KLHL31: variants seen among roughly 807,000 people sequenced by gnomAD.
KLHL31 encodes kelch like family member 31, also known as kelch-like protein 31.
Under a neutral mutation model 47.1 loss-of-function variants are expected in KLHL31, and 32 were observed. The observed-to-expected ratio is 0.68, with a 90% CI of 0.51 to 0.91. The LOEUF (loss-of-function observed/expected upper bound fraction) is 0.91. Ranked by LOEUF, KLHL31 falls within the 40% of genes least tolerant of loss-of-function variation. The pLI is 0.00. For synonymous variants in KLHL31, 330 were observed against 325.1 expected (o/e 1.01, Z -0.16); for missense variants, 797 against 819.3 (o/e 0.97, Z 0.33).
At chr6:53,652,850 C>T (rs188722824) in intron 2 of KLHL31, among the ~76,000 whole-genome samples, 217 of 152,306 alleles carry the variant, frequency 1.4e-3, no homozygotes, top group African/African-American at 4.3e-3. Context: ...TTCTCACAAA[C>T]CCCTTAATCC....
intron 1 of KLHL31, among the ~76,000 whole-genome samples, chr6:53,659,190 G>A (rs769282842): frequency 2.0e-5 from 3 of 152,234 alleles, no homozygotes; most frequent in Non-Finnish European, 2.9e-5. Context: ...CAGTCATGAG[G>A]TGCAGGAGGC....
chr6:53,657,106 T>C (rs1176924736), intron 1 of KLHL31, among the ~76,000 whole-genome samples: 1 of 151,874 alleles, frequency 6.6e-6, no homozygotes, highest in Admixed American at 6.6e-5. Context: ...CTGTCTACCT[T>C]TTTTGTATTT....
chr6:53,661,523 G>A (rs1300742803), intron 1 of KLHL31, among the ~76,000 whole-genome samples: 2 of 152,132 alleles, frequency 1.3e-5, no homozygotes, highest in African/African-American at 4.8e-5. Context: ...GGCCAGCAAA[G>A]TAATATATAT....
Position 53,651,561 on chromosome 6 carries a change from T to C in KLHL31, c.*37A>G. 6.3e-7 allele frequency: 1 copy of C among 1,579,842 alleles called. No homozygotes were observed. Among genetic ancestry groups the C allele is most frequent in the Non-Finnish European group, 8.6e-7 (1 of 1,160,148 alleles). ...TTAACCACGTGGCTCTACGAATAAA[T>C]AACGTGTTCTTCCTGCGTCCCTGCA... On this transcript the variant is annotated 3_prime_UTR_variant, in exon 3 of 3. Transcript: ENST00000370905.
At position 53,648,543 on chromosome 6, in the gene KLHL31, C is replaced by T. The variant is rs562716447; in HGVS notation, c.*3055G>A. 3 of 152,294 alleles carry T rather than the reference C, an allele frequency of 2.0e-5. No homozygotes were observed. Among genetic ancestry groups the T allele is most frequent in the South Asian group, 2.1e-4 (1 of 4,824 alleles). 9.4% of individuals were successfully genotyped at this position (152,294 alleles called of 1,614,324 possible). On this transcript the variant is annotated 3_prime_UTR_variant, in exon 3 of 3. Transcript: ENST00000370905. ...GTGTATTTGTAAAATACACTTACTA[C>T]AACTGCTGCTTTACCTTAAATCATA...
rs1764421468 is a variant in KLHL31, at chr6:53,648,233, T to C, written c.*3365A>G. On this transcript the variant is annotated 3_prime_UTR_variant, in exon 3 of 3. Transcript: ENST00000370905. ...TGTTTGGAAAATTATTCTGTAGGTT[T>C]TTTGGCATGAAAAGAAATACTGAAA... The C allele has an allele frequency of 6.6e-6, 1 of 152,498 alleles. No homozygotes were observed. The highest frequency in any genetic ancestry group is 2.4e-5 in the African/African-American group (1 of 41,436). The allele number at this position is 152,498 out of a possible 1,614,324, so 9.4% of individuals were successfully genotyped here.
rs745795299 is a variant in KLHL31 at position 53,655,236 on chromosome 6, C to T, written c.37G>A (p.Gly13Arg). Reference sequence around the variant, plus strand: ...ATTATAGTCATCTCATTGATATCTCCTTTGTTCTTTTTGACAATCTTCTTT... The same window carrying T: ...ATTATAGTCATCTCATTGATATCTCTTTTGTTCTTTTTGACAATCTTCTTT... ...PKKKIVKKNK[G>R]DINEMTIIVE... The change falls in exon 2 of 3, where the codon GGA becomes AGA. Residue 13 changes from glycine (G) to arginine (R), a missense_variant. Coordinates refer to ENST00000370905, the MANE Select transcript of KLHL31 (RefSeq NM_001003760.5). 2.5e-6 allele frequency: 4 copies of T among 1,585,536 alleles called. No homozygotes were observed. Among genetic ancestry groups the T allele is most frequent in the Admixed American group, 3.7e-5 (2 of 53,792 alleles).
intron 1 of KLHL31, among the ~76,000 whole-genome samples, chr6:53,665,082 T>C (rs1456765359): frequency 1.3e-5 from 2 of 152,026 alleles, no homozygotes; most frequent in Non-Finnish European, 2.9e-5. Flanking sequence ...TTCCATTTCA[T>C]CAATAGGTTA....
chr6:53,662,344 A>T (rs1764659413), intron 1 of KLHL31, among the ~76,000 whole-genome samples: 1 of 152,100 alleles, frequency 6.6e-6, no homozygotes, highest in African/African-American at 2.4e-5. Context: ...CACTTTTCAC[A>T]CTGTTCCTGC....
chr6:53,662,512 C>T (rs947816675), intron 1 of KLHL31, among the ~76,000 whole-genome samples: 2 of 152,192 alleles, frequency 1.3e-5, no homozygotes, highest in African/African-American at 4.8e-5. Context: ...GGTCCCTATG[C>T]TACTGGAGCT....
chr6:53,651,623 A>T lies in KLHL31; in HGVS notation c.1880T>A (p.Val627Glu). 2 of 1,614,048 alleles carry T rather than the reference A, an allele frequency of 1.2e-6. No individual in the cohort carries two copies. The change falls in exon 3 of 3, where the codon GTA becomes GAA. Residue 627 changes from valine to glutamate, a missense_variant. Physicochemically the swap from Val to Glu is moderately radical, Grantham distance 121 (BLOSUM62 -2). Coordinates refer to ENST00000370905, the MANE Select transcript of KLHL31 (RefSeq NM_001003760.5). ...TCAGATACTGACTGGCACAGAAGAT[A>T]CCGAACTGGCCCGGGATTCCCGAGT... ...NVTRESRASS[V>E]SSVPVSI is the part of the protein sequence containing the mutation.
At position 53,648,058 on chromosome 6, in the gene KLHL31, A is replaced by G. The variant is rs897450818; in HGVS notation, c.*3540T>C. 1.3e-5 allele frequency: 2 copies of G among 152,662 alleles called. No individual in the cohort carries two copies. Among genetic ancestry groups the G allele is most frequent in the African/African-American group, 2.4e-5 (1 of 41,456 alleles). 9.5% of individuals were successfully genotyped at this position (152,662 alleles called of 1,614,324 possible). On this transcript the variant is annotated 3_prime_UTR_variant, in exon 3 of 3. Transcript: ENST00000370905. Reference sequence around the variant, plus strand: ...TTTTTTGCCAAAATTTGCTGAATAAATAAAAAGTTTTTAAAGAATATCCAG... The same window carrying G: ...TTTTTTGCCAAAATTTGCTGAATAAGTAAAAAGTTTTTAAAGAATATCCAG...
chr6:53,654,885 T>G lies in KLHL31; in HGVS notation c.388A>C (p.Thr130Pro). 6.2e-7 allele frequency: 1 copy of G among 1,614,162 alleles called. No individual in the cohort carries two copies. ...TACAAGGAGAGAGTGAGCTTTCCAG[T>G]GTAGGCATATGCAATGACAGTGGCC... Reference protein sequence around the residue: ...GLATVIAYAYTGKLTLSLYTI... With the variant: ...GLATVIAYAYPGKLTLSLYTI... Residue 130 changes from threonine to proline, a missense_variant, in exon 2 of 3, where the codon ACT becomes CCT. Physicochemically the swap from Thr to Pro is conservative, Grantham distance 38. Coordinates refer to ENST00000370905, the MANE Select transcript of KLHL31 (RefSeq NM_001003760.5).
Position 53,648,673 on chromosome 6 carries a change from C to A in KLHL31, c.*2925G>T, listed in dbSNP as rs1165895407. On this transcript the variant is annotated 3_prime_UTR_variant, in exon 3 of 3. Coordinates refer to ENST00000370905, the MANE Select transcript of KLHL31 (RefSeq NM_001003760.5). ...TTAAAATTATACGAATCTGTACCAT[C>A]ACTGACCTTCTATTCAAAACCATTC... is the stretch of plus-strand genomic sequence containing the variant. The A allele has an allele frequency of 6.6e-6, 1 of 152,168 alleles. No individual in the cohort carries two copies. Among genetic ancestry groups the A allele is most frequent in the African/African-American group, 2.4e-5 (1 of 41,442 alleles). The allele number at this position is 152,168 out of a possible 1,614,324, so 9.4% of individuals were successfully genotyped here.
chr6:53,665,161 C>T (rs1185987705), intron 1 of KLHL31, among the ~76,000 whole-genome samples: 5 of 151,686 alleles, frequency 3.3e-5, no homozygotes, highest in African/African-American at 1.2e-4. Flanking sequence ...AACATTTCAT[C>T]CAAACTGATC....
chr6:53,659,320 AATAC>A (rs1764614354), intron 1 of KLHL31, among the ~76,000 whole-genome samples: 3 of 152,366 alleles, frequency 2.0e-5, no homozygotes, highest in African/African-American at 7.2e-5. Context: ...AGAGAAAAGA[AATAC>A]ATACAAATAC....
chr6:53,661,704 C>A (rs950507835), intron 1 of KLHL31, among the ~76,000 whole-genome samples: 1 of 152,148 alleles, frequency 6.6e-6, no homozygotes, highest in African/African-American at 2.4e-5. Context: ...GTAGTCAGAG[C>A]AATTCATACA....
rs775988392 is a variant in KLHL31, at chr6:53,650,100, G to C, written c.*1498C>G. On this transcript the variant is annotated 3_prime_UTR_variant, in exon 3 of 3. Transcript: ENST00000370905. ...TAACCTATCTACACAAGGTGGAGAG[G>C]ATGAGATTAACAAAAACCAAATTAT... 2.6e-4 allele frequency: 39 copies of C among 152,098 alleles called. No homozygotes were observed. Among genetic ancestry groups the C allele is most frequent in the Non-Finnish European group, 5.7e-4 (39 of 68,002 alleles). 9.4% of individuals were successfully genotyped at this position (152,098 alleles called of 1,614,324 possible).
rs1764537907 is a variant in KLHL31, at chr6:53,655,043, A to G, written c.230T>C (p.Ile77Thr). 10 of 1,614,068 alleles carry G rather than the reference A, an allele frequency of 6.2e-6. No individual in the cohort carries two copies. The East Asian group carries it at 2.0e-4, about 32-fold the overall frequency. The change falls in exon 2 of 3, where the codon ATT (isoleucine) becomes ACT (threonine). Residue 77 changes from isoleucine to threonine, a missense_variant. Coordinates refer to ENST00000370905, the MANE Select transcript of KLHL31 (RefSeq NM_001003760.5). ...RQENFLCDLVIGTKTKSFDVH... is the reference protein window; with the variant it reads ...RQENFLCDLVTGTKTKSFDVH... ...ATCAAAGGATTTGGTTTTGGTACCA[A>G]TGACTAAGTCACATAGGAAGTTCTC...
Sources: allele counts gnomAD v4.1 joint callset (sites outside exome capture counted in the v4.1 genomes callset), GRCh38; gene constraint gnomAD v4.1.1; transcripts MANE v1.5; gene names NCBI Gene and HGNC (gene_info 2026-07-23, HGNC 2026-07-21).